The following CFB variants were observed in gnomAD, a reference collection of about 807,000 sequenced individuals.
CFB encodes the protein complement factor B, also known as B-factor, properdin.
Under a neutral mutation model 97.2 loss-of-function variants are expected in CFB, and 59 were observed. The ratio of observed to expected loss-of-function variants is 0.61; its 90% CI spans 0.49 to 0.75. The LOEUF is 0.75. Ranked by LOEUF, CFB falls within the 30% of genes least tolerant of loss-of-function variation. CFB has a pLI of 0.00. For synonymous variants in CFB, 316 were observed against 351.7 expected, an observed-to-expected ratio of 0.90 and a Z score of 1.14; for missense variants, 771 against 959.8, an observed-to-expected ratio of 0.80 and a Z score of 2.60.
chr6:31,949,677 T>A, intron 10 of CFB, 120 bp downstream of exon 10: 1 of 1,188,276 alleles, frequency 8.4e-7, no homozygotes, highest in Non-Finnish European at 1.2e-6. Context: ...CCTCCTTCTC[T>A]ACCTCAGTGT....
Position 31,948,734 on chromosome 6 carries a change from G to A in CFB, c.1037-96G>A, listed in dbSNP as rs1446515480. 5 of 1,600,708 alleles carry A rather than the reference G, an allele frequency of 3.1e-6. No homozygotes were observed. In the Admixed American group the frequency reaches 5.0e-5, roughly 16 times the overall value. On this transcript the variant is annotated intron_variant, in intron 7 of 17. Transcript: ENST00000425368. ...CGTGTAATGATGATTAACTTAAAAAGTTGAAAGATGTGGGATTTCAGTTGC... is the reference window on the plus strand; with the variant it reads ...CGTGTAATGATGATTAACTTAAAAAATTGAAAGATGTGGGATTTCAGTTGC...
In CFB at chr6:31,950,773, G is replaced by A. The variant is rs1473302883; in HGVS notation, c.1778+1G>A. 1 of 1,613,092 alleles carries A rather than the reference G, an allele frequency of 6.2e-7. No homozygotes were observed. The highest frequency in any genetic ancestry group is 8.5e-7 in the Non-Finnish European group (1 of 1,180,026). On this transcript the variant is annotated splice_donor_variant, in intron 13 of 17. Coordinates refer to ENST00000425368, the MANE Select transcript of CFB (RefSeq NM_001710.6). LOFTEE classifies it high-confidence loss of function. Reference sequence around the variant, plus strand: ...AGCTGAAATATGGCCAGACTATCAGGTGAGAGCGTCCAGATCCCTGAGGAA... The same window carrying A: ...AGCTGAAATATGGCCAGACTATCAGATGAGAGCGTCCAGATCCCTGAGGAA...
chr6:31,947,461 T>G lies in CFB; in HGVS notation c.598T>G (p.Ser200Ala). 1 of 1,612,932 alleles carries G rather than the reference T, an allele frequency of 6.2e-7. No individual in the cohort carries two copies. The highest frequency in any genetic ancestry group is 1.1e-5 in the South Asian group (1 of 91,082). ...CAGCCGGGGGCTTACCCTGCGTGGC[T>G]CCCAGCGGCGAACGTGTCAGGAAGG... is the stretch of plus-strand genomic sequence containing the variant. Reference protein sequence around the residue: ...HCSRGLTLRGSQRRTCQEGGS... With the variant: ...HCSRGLTLRGAQRRTCQEGGS... The change falls in exon 4 of 18, where the codon TCC becomes GCC. Residue 200 changes from serine (S) to alanine (A), a missense_variant. Transcript: ENST00000425368. The surrounding 1 kb of genome is among the most constrained non-coding windows in gnomAD (Gnocchi z 5.3).
rs781252691 is a variant in CFB, at chr6:31,947,947, GAAC to G, written c.768_770del (p.Gln257del). 1.2e-6 allele frequency: 2 copies of G among 1,614,094 alleles called. No homozygotes were observed. Among genetic ancestry groups the G allele is most frequent in the African/African-American group, 2.7e-5 (2 of 74,932 alleles). ...TGAGCCACTCTCCTGGCACCCAGGGGAACAACAGAAGCGGAAGATCGTCCTGGA... is the reference window on the plus strand; with the variant it reads ...TGAGCCACTCTCCTGGCACCCAGGGGAACAGAAGCGGAAGATCGTCCTGGA... On this transcript the variant is annotated inframe_deletion, in exon 6 of 18. Transcript: ENST00000425368. The surrounding 1 kb of genome is among the most constrained non-coding windows in gnomAD (Gnocchi z 5.3).
At position 31,947,387 on chromosome 6, in the gene CFB, G is replaced by A. The variant is rs1771500328; in HGVS notation, c.524G>A (p.Arg175Lys). ...CSNPGIPIGTRKVGSQYRLED... is the reference protein window; with the variant it reads ...CSNPGIPIGTKKVGSQYRLED... ...AACCCGGGCATCCCCATTGGCACAA[G>A]GAAGGTGGGCAGCCAGTACCGCCTT... Residue 175 changes from arginine (R) to lysine (K), a missense_variant, in exon 4 of 18, where the codon AGG (arginine) becomes AAG (lysine). Physicochemically the swap from Arg to Lys is conservative, Grantham distance 26. Coordinates refer to ENST00000425368, the MANE Select transcript of CFB (RefSeq NM_001710.6). This position sits in a 1 kb window ranked among gnomAD's most constrained non-coding sequence, Gnocchi z 5.3. The A allele has an allele frequency of 1.9e-6, 3 of 1,612,972 alleles. No homozygotes were observed. In the African/African-American group the frequency reaches 4.0e-5, roughly 22 times the overall value.
At position 31,947,626 on chromosome 6, in the gene CFB, G is replaced by A; in HGVS notation, c.658+105G>A. ...TTCCTCACTTTGTTTAAACCTCCCT[G>A]TACAACTATCTCACTTCTGAGCCTT... On this transcript the variant is annotated intron_variant, in intron 4 of 17. Coordinates refer to ENST00000425368, the MANE Select transcript of CFB (RefSeq NM_001710.6). The surrounding 1 kb of genome is among the most constrained non-coding windows in gnomAD (Gnocchi z 5.3). The A allele has an allele frequency of 6.3e-7, 1 of 1,578,798 alleles. No individual in the cohort carries two copies. The highest frequency in any genetic ancestry group is 8.7e-7 in the Non-Finnish European group (1 of 1,149,534).
At chr6:31,949,373 C>T (rs1771618120) in intron 9 of CFB, 29 bp downstream of exon 9, 1 of 1,614,208 alleles carries the variant, frequency 6.2e-7, no homozygotes, top group Non-Finnish European at 8.5e-7. Context: ...ACCCAGCACC[C>T]CACTTCCTCA....
At position 31,951,991 on chromosome 6, in the gene CFB, G is replaced by A. The variant is rs758623204; in HGVS notation, c.2256G>A (p.Leu752=). The change falls in exon 18 of 18, where the codon CTG becomes CTA. Residue 752 remains leucine (L), a synonymous_variant. Transcript: ENST00000425368. This position sits in a 1 kb window ranked among gnomAD's most constrained non-coding sequence, Gnocchi z 4.3. ...ACCTCTTTCAAGTGCTGCCCTGGCT[G>A]AAGGAGAAACTCCAAGATGAGGATT... The part of the protein sequence containing the change: ...HINLFQVLPW[L]KEKLQDEDLG... 2 of 1,613,070 alleles carry A rather than the reference G, an allele frequency of 1.2e-6. No individual in the cohort carries two copies. The highest frequency in any genetic ancestry group is 1.7e-6 in the Non-Finnish European group (2 of 1,180,040).
In CFB at chr6:31,947,251, G is replaced by A; in HGVS notation, c.484+59G>A. 2 of 1,610,196 alleles carry A rather than the reference G, an allele frequency of 1.2e-6. No homozygotes were observed. The highest frequency in any genetic ancestry group is 8.5e-7 in the Non-Finnish European group (1 of 1,178,590). On this transcript the variant is annotated intron_variant, in intron 3 of 17. Coordinates refer to ENST00000425368, the MANE Select transcript of CFB (RefSeq NM_001710.6). This position sits in a 1 kb window ranked among gnomAD's most constrained non-coding sequence, Gnocchi z 5.3. ...TCCCTGACGGCGCCCAGCCCGAGGA[G>A]TGGGCACTCGGCTCCGGACACTGTA...
chr6:31,949,784 G>A (rs1029048752), intron 10 of CFB: 3 of 703,204 alleles, frequency 4.3e-6, no homozygotes, highest in Non-Finnish European at 7.1e-6. Context: ...TTGACACGTG[G>A]AAACAGAAGC....
rs920716119 is a variant in CFB, at chr6:31,946,365, C to G, written c.65-8C>G. The stretch of plus-strand genomic sequence containing the variant: ...TTGGGGCCAGGCTTCATCAGCCTTT[C>G]TCTTCAGGTGTGACCACCACTCCAT... On this transcript the variant is annotated splice_region_variant and splice_polypyrimidine_tract_variant and intron_variant, in intron 1 of 17. Transcript: ENST00000425368. The surrounding 1 kb of genome is among the most constrained non-coding windows in gnomAD (Gnocchi z 6.4). 1 of 1,613,054 alleles carries G rather than the reference C, an allele frequency of 6.2e-7. No homozygotes were observed. The highest frequency in any genetic ancestry group is 2.2e-5 in the East Asian group (1 of 44,884).
In CFB at chr6:31,951,141, CA is replaced by C; in HGVS notation, c.1856-2del. 6.2e-7 allele frequency: 1 copy of C among 1,612,742 alleles called. No homozygotes were observed. Among genetic ancestry groups the C allele is most frequent in the East Asian group, 2.2e-5 (1 of 44,880 alleles). On this transcript the variant is annotated splice_acceptor_variant, in intron 14 of 17. Transcript: ENST00000425368. LOFTEE classifies it high-confidence loss of function. The surrounding 1 kb of genome is among the most constrained non-coding windows in gnomAD (Gnocchi z 4.3). ...GCTGAAGTGACGCAGTCTATTCGTC[CA>C]GAGGAAGAGCTGCTCCCTGCACAGG...
In CFB at chr6:31,949,558, G is replaced by C. The variant is rs111740650; in HGVS notation, c.1408+1G>C. ...GAAGATGTTTTCTACCAAATGATCG[G>C]TAGGGAGATACAAGGGAATAAAGAA... On this transcript the variant is annotated splice_donor_variant, in intron 10 of 17. Coordinates refer to ENST00000425368, the MANE Select transcript of CFB (RefSeq NM_001710.6). LOFTEE classifies it high-confidence loss of function. 1 of 1,613,046 alleles carries C rather than the reference G, an allele frequency of 6.2e-7. No individual in the cohort carries two copies. Among genetic ancestry groups the C allele is most frequent in the Non-Finnish European group, 8.5e-7 (1 of 1,180,040 alleles).
At position 31,946,691 on chromosome 6, in the gene CFB, A is replaced by T; in HGVS notation, c.298+85A>T. On this transcript the variant is annotated intron_variant, in intron 2 of 17. Transcript: ENST00000425368. The surrounding 1 kb of genome is among the most constrained non-coding windows in gnomAD (Gnocchi z 6.4). ...GGTCAGGACTAGGATGAGACTAGGC[A>T]GGGTGACAAGGTGGGCTGACCGGGA... is the stretch of plus-strand genomic sequence containing the variant. 7.7e-7 allele frequency: 1 copy of T among 1,294,782 alleles called. No individual in the cohort carries two copies. The highest frequency in any genetic ancestry group is 1.1e-6 in the Non-Finnish European group (1 of 919,326). The allele number at this position is 1,294,782 out of a possible 1,614,324, so 80.2% of individuals were successfully genotyped here.
Position 31,947,512 on chromosome 6 carries a change from T to G in CFB, c.649T>G (p.Ser217Ala). 1 of 1,612,922 alleles carries G rather than the reference T, an allele frequency of 6.2e-7. No individual in the cohort carries two copies. The highest frequency in any genetic ancestry group is 8.5e-7 in the Non-Finnish European group (1 of 1,180,016). Reference sequence around the variant, plus strand: ...TGGCTCTTGGAGCGGGACGGAGCCTTCCTGCCAAGGTGACCTTTGACCTGT... The same window carrying G: ...TGGCTCTTGGAGCGGGACGGAGCCTGCCTGCCAAGGTGACCTTTGACCTGT... ...EGGSWSGTEP[S>A]CQDSFMYDTP... Residue 217 changes from serine (S) to alanine (A), a missense_variant, in exon 4 of 18, where the codon TCC becomes GCC. Ser to Ala is a moderately conservative substitution (Grantham distance 99, BLOSUM62 1). Coordinates refer to ENST00000425368, the MANE Select transcript of CFB (RefSeq NM_001710.6). The surrounding 1 kb of genome is among the most constrained non-coding windows in gnomAD (Gnocchi z 5.3).
In CFB at chr6:31,946,544, C is replaced by T. The variant is rs758329066; in HGVS notation, c.236C>T (p.Thr79Met). 4.2e-5 allele frequency: 67 copies of T among 1,612,850 alleles called. No homozygotes were observed. Among genetic ancestry groups the T allele is most frequent in the South Asian group, 1.5e-4 (14 of 91,084 alleles). Residue 79 changes from threonine to methionine, a missense_variant, in exon 2 of 18, where the codon ACG becomes ATG. Thr to Met is a moderately conservative substitution (Grantham distance 81). Coordinates refer to ENST00000425368, the MANE Select transcript of CFB (RefSeq NM_001710.6). This position sits in a 1 kb window ranked among gnomAD's most constrained non-coding sequence, Gnocchi z 6.4. ...YPVQTRTCRS[T>M]GSWSTLKTQD... is the part of the protein sequence containing the mutation. Reference sequence around the variant, plus strand: ...GTGCAGACACGTACCTGCAGATCTACGGGGTCCTGGAGCACCCTGAAGACT... The same window carrying T: ...GTGCAGACACGTACCTGCAGATCTATGGGGTCCTGGAGCACCCTGAAGACT...
Position 31,951,665 on chromosome 6 carries a change from G to T in CFB, c.2139+61G>T. ...GTGGTCAGCATGGGCCCCAAAGCAG[G>T]AAAGCTCAATGCATGTGGCTAGTAA... On this transcript the variant is annotated intron_variant, in intron 17 of 17. Transcript: ENST00000425368. The surrounding 1 kb of genome is among the most constrained non-coding windows in gnomAD (Gnocchi z 4.3). 3 of 1,608,908 alleles carry T rather than the reference G, an allele frequency of 1.9e-6. No individual in the cohort carries two copies. Among genetic ancestry groups the T allele is most frequent in the Non-Finnish European group, 1.7e-6 (2 of 1,175,244 alleles).
chr6:31,951,016 T>C lies in CFB; in HGVS notation c.1855+72T>C. 1 of 1,580,708 alleles carries C rather than the reference T, an allele frequency of 6.3e-7. No homozygotes were observed. Among genetic ancestry groups the C allele is most frequent in the East Asian group, 2.2e-5 (1 of 44,722 alleles). On this transcript the variant is annotated intron_variant, in intron 14 of 17. Coordinates refer to ENST00000425368, the MANE Select transcript of CFB (RefSeq NM_001710.6). The surrounding 1 kb of genome is among the most constrained non-coding windows in gnomAD (Gnocchi z 4.3). ...AGTGGGGCATGAGAGGGAGGTGCAA[T>C]AGGAAGAGATGATGCCTGGCCCAGA...
At position 31,946,164 on chromosome 6, in the gene CFB, G is replaced by T; in HGVS notation, c.-58G>T. ...ACACTGAGCCAAGCAGACAAGCAAA[G>T]CAAGCCAGGACACACCATCCTGCCC... On this transcript the variant is annotated 5_prime_UTR_variant, in exon 1 of 18. Coordinates refer to ENST00000425368, the MANE Select transcript of CFB (RefSeq NM_001710.6). The surrounding 1 kb of genome is among the most constrained non-coding windows in gnomAD (Gnocchi z 6.4). 1 of 1,585,862 alleles carries T rather than the reference G, an allele frequency of 6.3e-7. No individual in the cohort carries two copies. The highest frequency in any genetic ancestry group is 2.2e-5 in the East Asian group (1 of 44,764).
Sources: allele counts gnomAD v4.1 joint callset, GRCh38; gene constraint gnomAD v4.1.1; non-coding constraint Gnocchi (gnomAD v3.1); transcripts MANE v1.5; gene names NCBI Gene and HGNC (gene_info 2026-07-23, HGNC 2026-07-21).